PPP3CA: variants seen among roughly 807,000 people sequenced by gnomAD.
PPP3CA encodes the protein protein phosphatase 3 catalytic subunit alpha.
In PPP3CA, 14 loss-of-function variants were observed where a neutral mutation model predicts 66.5. The ratio of observed to expected loss-of-function variants is 0.21; its 90% CI spans 0.14 to 0.33. PPP3CA has a LOEUF of 0.33. Among genes scored for constraint, PPP3CA ranks in the 10% least tolerant of loss-of-function variants. The pLI, the probability that PPP3CA is intolerant of heterozygous loss-of-function variation, is 1.00. For synonymous variants in PPP3CA, 232 were observed against 226.2 expected, an observed-to-expected ratio of 1.03 and a Z score of -0.23; for missense variants, 317 against 639.5, an observed-to-expected ratio of 0.50 and a Z score of 5.44.
intron 6 of PPP3CA, among the ~76,000 whole-genome samples, chr4:101,086,655 T>G (rs1729687749): frequency 6.6e-6 from 1 of 152,196 alleles, no homozygotes; most frequent in African/African-American, 2.4e-5. Context: ...CTGTGAAGCA[T>G]TCTCTTCAAG....
At chr4:101,037,124 C>T (rs1382138253) in intron 11 of PPP3CA, among the ~76,000 whole-genome samples, 2 of 152,168 alleles carry the variant, frequency 1.3e-5, no homozygotes, top group Non-Finnish European at 2.9e-5. Context: ...CCATGAAAGG[C>T]TTGCCACTGA....
rs546506958 is a variant in PPP3CA at position 101,155,026 on chromosome 4, A to T, written c.259+40890T>A. On this transcript the variant is annotated intron_variant, in intron 2 of 13. Coordinates refer to ENST00000394854, the MANE Select transcript of PPP3CA (RefSeq NM_000944.5). Reference sequence around the variant, plus strand: ...GAGACGGGGTTTCACCATGTTGGCCAGGATGTTCTCAATTTCTTGACCTCA... The same window carrying T: ...GAGACGGGGTTTCACCATGTTGGCCTGGATGTTCTCAATTTCTTGACCTCA... 9.3e-4 allele frequency among the ~76,000 whole-genome samples: 142 copies of T among 152,204 alleles called. 1 individual carries two copies. In the Middle Eastern group the frequency reaches 0.01, roughly 11 times the overall value.
chr4:101,291,568 A>C (rs936964882), intron 1 of PPP3CA, among the ~76,000 whole-genome samples: 1 of 152,182 alleles, frequency 6.6e-6, no homozygotes, highest in African/African-American at 2.4e-5. Context: ...TATTCACTCA[A>C]TCATTAACTC....
chr4:101,181,692 TATACAAA>T lies in PPP3CA; in HGVS notation c.259+14217_259+14223del, dbSNP rs565611531. Among the ~76,000 whole-genome samples the T allele has an allele frequency of 8.5e-5, 13 of 152,224 alleles. No homozygotes were observed. In the South Asian group the frequency reaches 2.5e-3, roughly 29 times the overall value. On this transcript the variant is annotated intron_variant, in intron 2 of 13. Transcript: ENST00000394854. The stretch of plus-strand genomic sequence containing the variant: ...AAGAAACACATTACAATGAAAGGAT[TATACAAA>T]ATAAAGTATCTTACAATTCTATGAT...
intron 1 of PPP3CA, among the ~76,000 whole-genome samples, chr4:101,205,508 A>T (rs1368846366): frequency 6.6e-6 from 1 of 152,148 alleles, no homozygotes; most frequent in Non-Finnish European, 1.5e-5. Context: ...TGTATTAATA[A>T]ACCTTACAAA....
chr4:101,105,859 T>A (rs1378331163), intron 3 of PPP3CA, among the ~76,000 whole-genome samples: 1 of 152,132 alleles, frequency 6.6e-6, no homozygotes, highest in Non-Finnish European at 1.5e-5. Flanking sequence ...AAATAATCAC[T>A]CCAACATGAT....
At position 101,297,666 on chromosome 4, in the gene PPP3CA, A is replaced by G. The variant is rs533311527; in HGVS notation, c.58+49073T>C. On this transcript the variant is annotated intron_variant, in intron 1 of 13. Transcript: ENST00000394854. ...TGGCATTGGATTCTGCATATAACCT[A>G]CCATGACAGAGGTTTCTACAGGCCT... Among the ~76,000 whole-genome samples, 120 of 152,096 alleles carry G rather than the reference A, an allele frequency of 7.9e-4. 1 individual carries two copies. Among genetic ancestry groups the G allele is most frequent in the Non-Finnish European group, 1.6e-3 (107 of 68,004 alleles).
chr4:101,161,692 C>T (rs1723514117), intron 2 of PPP3CA, among the ~76,000 whole-genome samples: 1 of 152,038 alleles, frequency 6.6e-6, no homozygotes. Flanking sequence ...ACTTGGTAAA[C>T]AATTCTGAAC....
intron 1 of PPP3CA, among the ~76,000 whole-genome samples, chr4:101,281,139 G>A (rs924519302): frequency 1.6e-4 from 24 of 152,188 alleles, no homozygotes; most frequent in African/African-American, 5.5e-4. Flanking sequence ...TGACAACACT[G>A]AGGTTATTGG....
chr4:101,309,489 T>G (rs1728652928), intron 1 of PPP3CA, among the ~76,000 whole-genome samples: 1 of 150,060 alleles, frequency 6.7e-6, no homozygotes. Context: ...GGGTGGGGGG[T>G]GGTAGAGGGT....
intron 3 of PPP3CA, among the ~76,000 whole-genome samples, chr4:101,104,903 C>T (rs1730592250): frequency 6.6e-6 from 1 of 152,080 alleles, no homozygotes; most frequent in Admixed American, 6.5e-5. Flanking sequence ...TAGTCTCAGA[C>T]TCTTGAAGTT....
chr4:101,124,739 GAAAGAAAGAAAGAAAGAAAGAAAGAA>G (rs1722176564), intron 2 of PPP3CA, among the ~76,000 whole-genome samples: 1 of 87,378 alleles, frequency 1.1e-5, no homozygotes, highest in African/African-American at 5.6e-5. Context: ...AAGAAAGAAA[GAAAGAAAGAAAGAAAGAAAGAAAGAA>G]AGAAAGAAAG....
At position 101,183,601 on chromosome 4, in the gene PPP3CA, A is replaced by AAAATC; in HGVS notation, c.259+12310_259+12314dup. 1.3e-5 allele frequency among the ~76,000 whole-genome samples: 2 copies of AAAATC among 152,292 alleles called. 1 individual carries two copies. The highest frequency in any genetic ancestry group is 4.1e-4 in the South Asian group (2 of 4,828). ...CCTGTTTAACTCTATTTGATATCTC[A>AAAATC]AAATCAAAAATATTTGTGATTAAAA... On this transcript the variant is annotated intron_variant, in intron 2 of 13. Coordinates refer to ENST00000394854, the MANE Select transcript of PPP3CA (RefSeq NM_000944.5).
At chr4:101,239,403 C>A (rs971482963) in intron 1 of PPP3CA, among the ~76,000 whole-genome samples, 1 of 151,900 alleles carries the variant, frequency 6.6e-6, no homozygotes, top group Admixed American at 6.6e-5. Context: ...AACAAACATG[C>A]CAACAAACAA....
chr4:101,122,391 T>C (rs1431221399), intron 2 of PPP3CA, among the ~76,000 whole-genome samples: 1 of 152,004 alleles, frequency 6.6e-6, no homozygotes. Flanking sequence ...TCTTTGTATG[T>C]GTGTGTGTGT....
chr4:101,046,523 A>T (rs1172578809), intron 10 of PPP3CA, among the ~76,000 whole-genome samples: 2 of 152,018 alleles, frequency 1.3e-5, no homozygotes, highest in East Asian at 3.8e-4. Context: ...AAGTATATTT[A>T]TACTAAAATT....
intron 8 of PPP3CA, among the ~76,000 whole-genome samples, chr4:101,072,827 T>G (rs540712945): frequency 4.7e-4 from 71 of 151,262 alleles, no homozygotes; most frequent in African/African-American, 1.3e-3. Flanking sequence ...TCCCAGCTAC[T>G]CCGGAGGCTG....
intron 1 of PPP3CA, among the ~76,000 whole-genome samples, chr4:101,208,972 T>C (rs976392829): frequency 1.3e-5 from 2 of 152,182 alleles, no homozygotes; most frequent in Non-Finnish European, 2.9e-5. Context: ...TTCTACTCAT[T>C]ACATAAATGG....
intron 6 of PPP3CA, among the ~76,000 whole-genome samples, chr4:101,087,164 C>T (rs1279468609): frequency 6.6e-6 from 1 of 152,172 alleles, no homozygotes; most frequent in African/African-American, 2.4e-5. Context: ...TGCTGTCAGA[C>T]CTACCTTTTC....
Sources: gnomAD v4.1 joint callset for allele counts (sites outside exome capture counted in the v4.1 genomes callset) on GRCh38, gnomAD v4.1.1 for gene constraint, MANE v1.5 for transcripts, NCBI Gene and HGNC (gene_info 2026-07-23, HGNC 2026-07-21) for gene names.